The following FSTL4 variants were observed in gnomAD, a reference collection of about 807,000 sequenced individuals.
FSTL4 encodes the protein follistatin like 4.
Under a neutral mutation model 78.2 loss-of-function variants are expected in FSTL4, and 28 were observed. That is an observed-to-expected ratio of 0.36 (90% CI 0.27 to 0.49). The LOEUF is 0.49. Among genes scored for constraint, FSTL4 ranks in the 20% least tolerant of loss-of-function variants. The pLI is 0.98. For missense variants in FSTL4, 922 were observed against 1,084.9 expected (o/e 0.85, Z 2.11); for synonymous variants, 422 against 440.5 (o/e 0.96, Z 0.53).
chr5:133,403,126 T>C (rs775612529), intron 3 of FSTL4, among the ~76,000 whole-genome samples: 21 of 152,242 alleles, frequency 1.4e-4, no homozygotes, highest in Non-Finnish European at 2.5e-4. Context: ...TCTGAAAATA[T>C]CAGCCTTTGT....
intron 4 of FSTL4, among the ~76,000 whole-genome samples, chr5:133,386,004 A>C (rs1400655761): frequency 6.6e-6 from 1 of 152,160 alleles, no homozygotes; most frequent in Non-Finnish European, 1.5e-5. Context: ...TTAACATTTC[A>C]AATCAGTCTT....
chr5:133,719,298 C>T, the FSTL4 span, among the ~76,000 whole-genome samples: 3 of 152,082 alleles, frequency 2.0e-5, no homozygotes, highest in African/African-American at 7.2e-5. Flanking sequence ...TTGAACTGTA[C>T]ACAGAATATT....
At chr5:133,324,380 C>A (rs1362833193) in intron 4 of FSTL4, among the ~76,000 whole-genome samples, 1 of 152,222 alleles carries the variant, frequency 6.6e-6, no homozygotes, top group Non-Finnish European at 1.5e-5. Flanking sequence ...AGGGGTGAGG[C>A]ACCTGCATGG....
intron 6 of FSTL4, among the ~76,000 whole-genome samples, chr5:133,287,269 TC>T (rs1373011854): frequency 1.3e-5 from 2 of 151,734 alleles, no homozygotes; most frequent in African/African-American, 4.8e-5. Flanking sequence ...GCGCCTGTAG[TC>T]CCAGCTACTC....
At position 133,201,990 on chromosome 5, in the gene FSTL4, A is replaced by G. The variant is rs1254713325; in HGVS notation, c.1769T>C (p.Phe590Ser). 4.3e-6 allele frequency: 7 copies of G among 1,612,474 alleles called. No individual in the cohort carries two copies. In the African/African-American group the frequency reaches 8.0e-5, roughly 18 times the overall value. The change falls in exon 15 of 16, where the codon TTT becomes TCT. Residue 590 changes from phenylalanine (F) to serine (S), a missense_variant. Physicochemically the swap from Phe to Ser is radical, Grantham distance 155 (BLOSUM62 -2). Transcript: ENST00000265342. ...GQSQHLIRTP[F>S]AGVDDFFIPP... ...AATGAAGAAATCATCCACTCCTGCA[A>G]AGGGTGTGCGGATGAGGTGCTGGCT...
chr5:133,263,534 G>C (rs953043868), intron 6 of FSTL4, among the ~76,000 whole-genome samples: 2 of 152,160 alleles, frequency 1.3e-5, no homozygotes, highest in Non-Finnish European at 2.9e-5. Context: ...AGTGAGATTT[G>C]ACTGTGGGCT....
chr5:133,515,148 A>C (rs1758827806), intron 3 of FSTL4, among the ~76,000 whole-genome samples: 1 of 152,226 alleles, frequency 6.6e-6, no homozygotes, highest in Non-Finnish European at 1.5e-5. Context: ...AAGCTGAATA[A>C]ATTGTCAGCA....
intron 4 of FSTL4, among the ~76,000 whole-genome samples, chr5:133,371,044 C>T (rs7736751): frequency 0.019 from 2,908 of 152,320 alleles, 99 homozygotes; most frequent in African/African-American, 0.066. Flanking sequence ...TGGCCAGTAC[C>T]AGCCTGGTTC....
chr5:133,278,591 C>G (rs1268369533), intron 6 of FSTL4, among the ~76,000 whole-genome samples: 4 of 152,224 alleles, frequency 2.6e-5, no homozygotes, highest in Admixed American at 2.6e-4. Context: ...GGTCTCCTGC[C>G]TGTCCCAGAA....
chr5:133,354,386 G>C (rs748442969), intron 4 of FSTL4, among the ~76,000 whole-genome samples: 1 of 152,222 alleles, frequency 6.6e-6, no homozygotes, highest in Non-Finnish European at 1.5e-5. Context: ...TGTTTTCAAA[G>C]ATGGATGGAG....
the FSTL4 span, among the ~76,000 whole-genome samples, chr5:133,766,849 G>A: frequency 1.3e-5 from 2 of 152,192 alleles, no homozygotes; most frequent in Non-Finnish European, 2.9e-5. Flanking sequence ...AAGTGTTGTG[G>A]GAGTGCCGGG....
chr5:133,749,424 G>T, the FSTL4 span, among the ~76,000 whole-genome samples: 1 of 152,176 alleles, frequency 6.6e-6, no homozygotes, highest in African/African-American at 2.4e-5. Context: ...GGCAGATACA[G>T]CCCCAAGGGC....
chr5:133,335,055 C>T (rs1580627879), intron 4 of FSTL4, among the ~76,000 whole-genome samples: 2 of 152,356 alleles, frequency 1.3e-5, no homozygotes, highest in East Asian at 3.9e-4. Context: ...CCTACACAAA[C>T]ACTGTGAGCA....
intron 6 of FSTL4, among the ~76,000 whole-genome samples, chr5:133,288,348 G>A (rs946928748): frequency 6.6e-6 from 1 of 152,154 alleles, no homozygotes; most frequent in African/African-American, 2.4e-5. Flanking sequence ...GGTGGGACAG[G>A]GAGCCCCAGG....
intron 4 of FSTL4, among the ~76,000 whole-genome samples, chr5:133,368,974 C>T (rs183076545): frequency 5.3e-5 from 8 of 152,320 alleles, no homozygotes; most frequent in East Asian, 1.9e-4. Flanking sequence ...TTCCAGCAGA[C>T]GGTGCTTCAG....
chr5:133,391,891 A>T (rs1755859439), intron 4 of FSTL4, among the ~76,000 whole-genome samples: 1 of 151,950 alleles, frequency 6.6e-6, no homozygotes, highest in South Asian at 2.1e-4. Flanking sequence ...CATCACATAG[A>T]CTTCATCTCT....
the FSTL4 span, among the ~76,000 whole-genome samples, chr5:133,683,771 G>T: frequency 0.41 from 61,626 of 152,042 alleles, 12,733 homozygotes; most frequent in African/African-American, 0.48. Flanking sequence ...GGATTAAAGA[G>T]GTGATGAAGC....
chr5:133,794,001 T>G, the FSTL4 span, among the ~76,000 whole-genome samples: 1 of 152,226 alleles, frequency 6.6e-6, no homozygotes, highest in Non-Finnish European at 1.5e-5. Context: ...TGAGACTCCT[T>G]GGCAAATGAA....
chr5:133,431,788 C>A (rs1354439607), intron 3 of FSTL4, among the ~76,000 whole-genome samples: 1 of 152,082 alleles, frequency 6.6e-6, no homozygotes, highest in Admixed American at 6.5e-5. Context: ...AGTAAATAAC[C>A]TGAATACCAC....
Sources: allele counts gnomAD v4.1 joint callset (sites outside exome capture counted in the v4.1 genomes callset), GRCh38; gene constraint gnomAD v4.1.1; transcripts MANE v1.5; gene names NCBI Gene and HGNC (gene_info 2026-07-23, HGNC 2026-07-21).